Variants in BOD1L1 observed in about 807,000 individuals in gnomAD.
BOD1L1 encodes biorientation of chromosomes in cell division 1 like 1, also known as biorientation of chromosomes in cell division protein 1-like 1.
BOD1L1 carries 86 observed loss-of-function variants against 240.7 expected under a neutral mutation model. That is an observed-to-expected ratio of 0.36 (90% CI 0.30 to 0.43). The LOEUF is 0.43. BOD1L1 is among the 20% of genes least tolerant of loss of function. BOD1L1 has a pLI of 1.00. For synonymous variants in BOD1L1, 1,268 were observed against 1,272.3 expected (o/e 1.00, Z 0.07); for missense variants, 3,554 against 3,643.5 (o/e 0.98, Z 0.63).
In BOD1L1 at chr4:13,577,446, T is replaced by A. The variant is rs1270668686; in HGVS notation, c.8841A>T (p.Arg2947Ser). The part of the protein sequence containing the change: ...EEKIVTSVRR[R>S]GRKPKRSLTV... ...TGAGAGAACGTTTGGGTTTTCTTCC[T>A]CTCCGACGCACACTTGTTACTATTT... is the stretch of plus-strand genomic sequence containing the variant. Residue 2947 changes from arginine to serine, a missense_variant, in exon 24 of 26, where the codon AGA (arginine) becomes AGT (serine). By Grantham distance (110) the Arg-to-Ser change is moderately radical. Around this residue, in one of 2 missense-constraint regions of BOD1L1, gnomAD observed 3,393 missense variants for 3,427.1 expected, o/e 0.99. Coordinates refer to ENST00000040738, the MANE Select transcript of BOD1L1 (RefSeq NM_148894.3). 6.2e-7 allele frequency: 1 copy of A among 1,613,860 alleles called. No individual in the cohort carries two copies. Among genetic ancestry groups the A allele is most frequent in the Non-Finnish European group, 8.5e-7 (1 of 1,179,836 alleles).
chr4:13,619,818 C>G lies in BOD1L1; in HGVS notation c.368+125G>C, dbSNP rs1414307389. On this transcript the variant is annotated intron_variant, in intron 2 of 25. Transcript: ENST00000040738. Reference sequence around the variant, plus strand: ...ATTATGCTACATCACACGAAATAGCCACACCAAATCCAGTAAAATTGTCAA... The same window carrying G: ...ATTATGCTACATCACACGAAATAGCGACACCAAATCCAGTAAAATTGTCAA... The G allele has an allele frequency of 4.9e-6, 6 of 1,224,782 alleles. No individual in the cohort carries two copies. The African/African-American group carries it at 9.2e-5, about 19-fold the overall frequency. The allele number at this position is 1,224,782 out of a possible 1,614,324, so 75.9% of individuals were successfully genotyped here.
At chr4:13,588,920 A>G in intron 14 of BOD1L1, 128 bp from the exon 15 acceptor site, 1 of 568,558 alleles carries the variant, frequency 1.8e-6, no homozygotes, top group Non-Finnish European at 3.0e-6. Context: ...AGTTATATAC[A>G]GGGCATTGTG....
In BOD1L1 at chr4:13,576,887, C is replaced by T. The variant is rs140860052; in HGVS notation, c.8989G>A (p.Glu2997Lys). The stretch of plus-strand genomic sequence containing the variant: ...GATCTTGTGGTGGCTCCTGAAGGCT[C>T]GTCCTCTTCCTCTTCTTCCTCTTCC... ...DEEEEEEEED[E>K]PSGATTRSTT... The change falls in exon 25 of 26, where the codon GAG (glutamate) becomes AAG (lysine). Residue 2997 changes from glutamate to lysine, a missense_variant. Around this residue, in one of 2 missense-constraint regions of BOD1L1, gnomAD observed 3,393 missense variants for 3,427.1 expected, o/e 0.99. Transcript: ENST00000040738. 1.2e-5 allele frequency: 19 copies of T among 1,613,894 alleles called. No individual in the cohort carries two copies. The highest frequency in any genetic ancestry group is 2.2e-5 in the East Asian group (1 of 44,886).
rs1040356833 is a variant in BOD1L1, at chr4:13,599,310, G to T, written c.7590C>A (p.Asn2530Lys). Residue 2530 changes from asparagine to lysine, a missense_variant, in exon 10 of 26, where the codon AAC becomes AAA. By Grantham distance (94) the Asn-to-Lys change is moderately conservative. Around this residue, in one of 2 missense-constraint regions of BOD1L1, gnomAD observed 3,393 missense variants for 3,427.1 expected, o/e 0.99. Coordinates refer to ENST00000040738, the MANE Select transcript of BOD1L1 (RefSeq NM_148894.3). Reference sequence around the variant, plus strand: ...TGTCATCAGCTTTTATAGCACCGGTGTTTACTGCTGCCAAATAGCGAATGC... The same window carrying T: ...TGTCATCAGCTTTTATAGCACCGGTTTTTACTGCTGCCAAATAGCGAATGC... ...SVSIRYLAAV[N>K]TGAIKADDMP... The T allele has an allele frequency of 1.9e-6, 3 of 1,613,834 alleles. No individual in the cohort carries two copies. Among genetic ancestry groups the T allele is most frequent in the Non-Finnish European group, 2.5e-6 (3 of 1,179,826 alleles).
chr4:13,584,441 AGTGT>A (rs36096107), intron 17 of BOD1L1, among the ~76,000 whole-genome samples: 4,510 of 134,776 alleles, frequency 0.033, 136 homozygotes, highest in African/African-American at 0.091. Context: ...AGAGAGAGAG[AGTGT>A]GTGTGTGTGT....
chr4:13,588,653 A>C, intron 15 of BOD1L1, 69 bp downstream of exon 15: 1 of 1,155,374 alleles, frequency 8.7e-7, no homozygotes, highest in Non-Finnish European at 1.2e-6. Context: ...GCCTTTCTAA[A>C]GCCCTTCTTT....
chr4:13,603,629 C>A lies in BOD1L1; in HGVS notation c.3271G>T (p.Ala1091Ser), dbSNP rs745697190. 1.1e-5 allele frequency: 18 copies of A among 1,613,870 alleles called. No homozygotes were observed. Among genetic ancestry groups the A allele is most frequent in the Non-Finnish European group, 1.5e-5 (18 of 1,179,832 alleles). The stretch of plus-strand genomic sequence containing the variant: ...CCGCTGGGAGTGCTCAAAGTGTTTG[C>A]TGCTAATTTTTCTTCTCCTTTGGCC... Reference protein sequence around the residue: ...EMAKGEEKLAANTLSTPSGSS... With the variant: ...EMAKGEEKLASNTLSTPSGSS... Residue 1091 changes from alanine (A) to serine (S), a missense_variant, in exon 10 of 26, where the codon GCA becomes TCA. Transcript: ENST00000040738.
chr4:13,626,880 T>C (rs1224664850), intron 1 of BOD1L1, among the ~76,000 whole-genome samples: 2 of 152,178 alleles, frequency 1.3e-5, no homozygotes, highest in African/African-American at 4.8e-5. Flanking sequence ...TCCTTATCTT[T>C]GCGCTCCCAC....
Position 13,627,505 on chromosome 4 carries a change from G to A in BOD1L1, c.83C>T (p.Pro28Leu). ...GGGGCCAGCCCCGGGGCCCGGCGGC[G>A]GCGGCGGTGGCTGCGGCTGCGGCTG... ...PPQPQPQPPPPPPGPGAGPGA... is the reference protein window; with the variant it reads ...PPQPQPQPPPLPPGPGAGPGA... The change falls in exon 1 of 26, where the codon CCG (proline) becomes CTG (leucine). Residue 28 changes from proline to leucine, a missense_variant. Transcript: ENST00000040738. 4 of 1,015,284 alleles carry A rather than the reference G, an allele frequency of 3.9e-6. No homozygotes were observed. Among genetic ancestry groups the A allele is most frequent in the South Asian group, 4.5e-5 (1 of 22,342 alleles). 62.9% of individuals were successfully genotyped at this position (1,015,284 alleles called of 1,614,324 possible). A position where few individuals can be genotyped will look rare whatever the true frequency, so the allele number is the denominator to read the frequency against.
At chr4:13,577,739 A>T in intron 22 of BOD1L1, 108 bp from the exon 23 acceptor site, 1 of 764,338 alleles carries the variant, frequency 1.3e-6, no homozygotes, top group Non-Finnish European at 2.1e-6. Flanking sequence ...ACATTGTTAT[A>T]CATTTCATCA....
chr4:13,612,501 T>A (rs1716252795), intron 5 of BOD1L1, among the ~76,000 whole-genome samples: 1 of 152,168 alleles, frequency 6.6e-6, no homozygotes, highest in Non-Finnish European at 1.5e-5. Context: ...TCCTTGCCTG[T>A]ACCTACTTCC....
At chr4:13,572,605 GA>G in intron 25 of BOD1L1, 1 of 1,119,024 alleles carries the variant, frequency 8.9e-7, no homozygotes, top group South Asian at 1.5e-5. Context: ...GTTATTTGGT[GA>G]GACAAAATCT....
chr4:13,607,098 AG>A lies in BOD1L1; in HGVS notation c.1815+18del. 6.8e-7 allele frequency: 1 copy of A among 1,475,078 alleles called. No individual in the cohort carries two copies. Among genetic ancestry groups the A allele is most frequent in the Non-Finnish European group, 9.2e-7 (1 of 1,086,942 alleles). The allele number at this position is 1,475,078 out of a possible 1,614,324, so 91.4% of individuals were successfully genotyped here. A position where few individuals can be genotyped will look rare whatever the true frequency, so the allele number is the denominator to read the frequency against. The stretch of plus-strand genomic sequence containing the variant: ...ATCTAACAAAACAGCATTTGAAATG[AG>A]GTTTTATTAAGGCATACCTCACTTG... On this transcript the variant is annotated intron_variant, in intron 9 of 25. Transcript: ENST00000040738.
In BOD1L1 at chr4:13,603,346, C is replaced by T. The variant is rs150805259; in HGVS notation, c.3554G>A (p.Arg1185His). Residue 1185 changes from arginine to histidine, a missense_variant, in exon 10 of 26, where the codon CGT becomes CAT. Physicochemically the swap from Arg to His is conservative, Grantham distance 29. Coordinates refer to ENST00000040738, the MANE Select transcript of BOD1L1 (RefSeq NM_148894.3). ...AGAATTACTATTAACTCCTGTTCCA[C>T]GGCCTGGCTTATAAGCTGGAGCTGT... ...KATAPAYKPG[R>H]GTGVNSNSEK... The T allele has an allele frequency of 2.2e-5, 35 of 1,613,884 alleles. No individual in the cohort carries two copies. Among genetic ancestry groups the T allele is most frequent in the Middle Eastern group, 1.6e-4 (1 of 6,084 alleles).
Position 13,607,169 on chromosome 4 carries a change from T to A in BOD1L1, c.1763A>T (p.Lys588Ile). The A allele has an allele frequency of 6.3e-7, 1 of 1,575,240 alleles. No homozygotes were observed. Among genetic ancestry groups the A allele is most frequent in the South Asian group, 1.2e-5 (1 of 85,948 alleles). The change falls in exon 9 of 26, where the codon AAA becomes ATA. Residue 588 changes from lysine (K) to isoleucine (I), a missense_variant. This residue lies in a region of BOD1L1 where 3,393 missense variants were observed against 3,427.1 expected (regional missense o/e 0.99). Transcript: ENST00000040738. ...KDSRNVEENS[K>I]KKQQYEEDSK... ...ATCTTCTTCATATTGCTGTTTCTTT[T>A]TGGAGTTCTCTTCAACATTCCTAAG...
At chr4:13,611,583 G>A (rs1384624517) in intron 5 of BOD1L1, among the ~76,000 whole-genome samples, 1 of 152,184 alleles carries the variant, frequency 6.6e-6, no homozygotes, top group African/African-American at 2.4e-5. Context: ...GGTTTCTGAT[G>A]AGCTAAGTTT....
In BOD1L1 at chr4:13,585,030, T is replaced by TA. The variant is rs201527625; in HGVS notation, c.8433+1365dup. On this transcript the variant is annotated intron_variant, in intron 17 of 25. Coordinates refer to ENST00000040738, the MANE Select transcript of BOD1L1 (RefSeq NM_148894.3). The stretch of plus-strand genomic sequence containing the variant: ...AATTGATTTTATTTAAATTTAACAT[T>TA]AAAAAATCACGAAATTTAAGAGAAA... Among the ~76,000 whole-genome samples the TA allele has an allele frequency of 1.0e-2, 1,517 of 152,286 alleles. 13 individuals carry two copies. The highest frequency in any genetic ancestry group is 0.032 in the South Asian group (156 of 4,824).
In BOD1L1 at chr4:13,570,115, G is replaced by T. The variant is rs747364083; in HGVS notation, c.9052C>A (p.Leu3018Ile). The change falls in exon 26 of 26, where the codon CTC becomes ATC. Residue 3018 changes from leucine to isoleucine, a missense_variant. Leu to Ile is a conservative substitution (Grantham distance 5). Around this residue, in one of 2 missense-constraint regions of BOD1L1, gnomAD observed 3,393 missense variants for 3,427.1 expected, o/e 0.99. Coordinates refer to ENST00000040738, the MANE Select transcript of BOD1L1 (RefSeq NM_148894.3). ...CTCTTGCGCTTGATAGAAGGGGAGA[G>T]CTGTGTCTTTGATCTGCATTAAGCA... ...RSEAQRSKTQ[L>I]SPSIKRKREV... is the part of the protein sequence containing the mutation. 2 of 1,596,054 alleles carry T rather than the reference G, an allele frequency of 1.3e-6. No individual in the cohort carries two copies. The highest frequency in any genetic ancestry group is 2.7e-5 in the African/African-American group (2 of 73,642).
chr4:13,593,175 T>C (rs777726319), intron 12 of BOD1L1: 1 of 152,106 alleles, frequency 6.6e-6, no homozygotes, highest in Non-Finnish European at 1.5e-5. Flanking sequence ...TCGAAATACT[T>C]CTGACCCCAA....
Sources: gnomAD v4.1 joint callset for allele counts (sites outside exome capture counted in the v4.1 genomes callset) on GRCh38, gnomAD v4.1.1 for gene constraint, gnomAD v4.1.1 regional missense constraint, MANE v1.5 for transcripts, NCBI Gene and HGNC (gene_info 2026-07-23, HGNC 2026-07-21) for gene names.